The following NCBP3 variants were observed in gnomAD, a reference collection of about 807,000 sequenced individuals.
NCBP3 encodes the protein nuclear cap-binding protein subunit 3.
In NCBP3, 20 loss-of-function variants were observed where a neutral mutation model predicts 75.7. The ratio of observed to expected loss-of-function variants is 0.26; its 90% confidence interval spans 0.19 to 0.38. The LOEUF (loss-of-function observed/expected upper bound fraction) is 0.38, where lower values mean the gene tolerates loss of function less well. NCBP3 is among the 10% of genes least tolerant of loss of function. The probability of loss-of-function intolerance (pLI) is 1.00; values close to 1 mark genes in which losing one functional copy is unlikely to be tolerated. For missense variants in NCBP3, 678 were observed against 796.9 expected, an observed-to-expected ratio of 0.85 and a Z score of 1.80; for synonymous variants, 293 against 290.5, an observed-to-expected ratio of 1.01 and a Z score of -0.09.
intron 12 of NCBP3, among the ~76,000 whole-genome samples, 161 bp from the exon 13 acceptor site, chr17:3,813,440 C>T (rs2053462817): frequency 6.6e-6 from 1 of 152,208 alleles, no homozygotes; most frequent in African/African-American, 2.4e-5. Context: ...ATCTCATTTC[C>T]CGGGCCGCAG....
intron 3 of NCBP3, among the ~76,000 whole-genome samples, chr17:3,837,405 G>A (rs2053992165): frequency 6.6e-6 from 1 of 151,580 alleles, no homozygotes; most frequent in African/African-American, 2.4e-5. Context: ...GCTGAAGCAG[G>A]AGAATCGCTT....
chr17:3,833,505 A>G (rs2053920330), intron 3 of NCBP3, among the ~76,000 whole-genome samples: 1 of 152,004 alleles, frequency 6.6e-6, no homozygotes, highest in South Asian at 2.1e-4. Flanking sequence ...GACTTTCCCT[A>G]AATTAAAATA....
In NCBP3 at chr17:3,818,123, TA is replaced by T. The variant is rs1344230846; in HGVS notation, c.1310+139del. ...AGAATCACTGCTTGTATAGAGGAAA[TA>T]CTGGATGCGTTTATTAAACTCCTAC... On this transcript the variant is annotated intron_variant, in intron 10 of 12. Transcript: ENST00000389005. This position sits in a 1 kb window ranked among gnomAD's most constrained non-coding sequence, Gnocchi z 4.7. 4.1e-5 allele frequency: 29 copies of T among 703,170 alleles called. No homozygotes were observed. Among genetic ancestry groups the T allele is most frequent in the Non-Finnish European group, 5.8e-5 (26 of 451,466 alleles). The allele number at this position is 703,170 out of a possible 1,614,324, so 43.6% of individuals were successfully genotyped here. A position where few individuals can be genotyped will look rare whatever the true frequency, so the allele number is the denominator to read the frequency against.
intron 2 of NCBP3, among the ~76,000 whole-genome samples, chr17:3,840,600 CAAAA>C (rs1316649719): frequency 6.6e-6 from 1 of 152,062 alleles, no homozygotes; most frequent in African/African-American, 2.4e-5. Context: ...AATGGAGGCA[CAAAA>C]AAGCAAAAAG....
At chr17:3,829,943 T>C (rs902108891) in intron 3 of NCBP3, among the ~76,000 whole-genome samples, 1 of 152,224 alleles carries the variant, frequency 6.6e-6, no homozygotes, top group African/African-American at 2.4e-5. Context: ...TTGACCTCAC[T>C]ACCAATCATT....
intron 1 of NCBP3, 92 bp from the exon 2 acceptor site, chr17:3,843,243 CTTTTTTTTT>C: frequency 1.4e-6 from 1 of 694,224 alleles, no homozygotes; most frequent in South Asian, 1.8e-5. Flanking sequence ...TTCTTTTTTC[CTTTTTTTTT>C]TTTTTTTGTT....
chr17:3,807,676 G>C lies in NCBP3; in HGVS notation c.*5368C>G, dbSNP rs181935618. ...AAATACAACATGAAAATAAAGCATT[G>C]TACGTACATGGCAGAAAAATGACTA... is the stretch of plus-strand genomic sequence containing the variant. On this transcript the variant is annotated 3_prime_UTR_variant, in exon 13 of 13. Transcript: ENST00000389005. 2 of 152,290 alleles carry C rather than the reference G, an allele frequency of 1.3e-5. No homozygotes were observed. Among genetic ancestry groups the C allele is most frequent in the Non-Finnish European group, 2.9e-5 (2 of 68,042 alleles). The allele number at this position is 152,290 out of a possible 1,614,324, so 9.4% of individuals were successfully genotyped here.
chr17:3,830,919 C>CT (rs1181966080), intron 3 of NCBP3, among the ~76,000 whole-genome samples: 5 of 130,972 alleles, frequency 3.8e-5, no homozygotes, highest in African/African-American at 1.1e-4. Context: ...TTTTTTTTTT[C>CT]TTTTTTTTTG....
chr17:3,833,640 AT>A (rs112149270), intron 3 of NCBP3, among the ~76,000 whole-genome samples: 3 of 145,004 alleles, frequency 2.1e-5, no homozygotes, highest in Non-Finnish European at 1.6e-5. Context: ...GACCTTCTCT[AT>A]TTTTTTTAAA....
At chr17:3,817,819 AAAC>A (rs1227764167) in intron 10 of NCBP3, among the ~76,000 whole-genome samples, 1 of 152,210 alleles carries the variant, frequency 6.6e-6, no homozygotes, top group Non-Finnish European at 1.5e-5. Flanking sequence ...TGATACTTTC[AAAC>A]AACAGACTAT....
intron 2 of NCBP3, among the ~76,000 whole-genome samples, chr17:3,842,719 C>T (rs890143114): frequency 6.6e-6 from 1 of 152,120 alleles, no homozygotes; most frequent in African/African-American, 2.4e-5. Flanking sequence ...GATTTCAGCT[C>T]AGTGCAGCCT....
chr17:3,817,349 G>A (rs950201945), intron 10 of NCBP3, among the ~76,000 whole-genome samples: 3 of 151,936 alleles, frequency 2.0e-5, no homozygotes, highest in Non-Finnish European at 2.9e-5. Flanking sequence ...ACCCTTCTGA[G>A]CCCGGGCATG....
At position 3,802,487 on chromosome 17, in the gene NCBP3, T is replaced by C. The variant is rs916453169; in HGVS notation, c.*10557A>G. The C allele has an allele frequency of 6.6e-6, 1 of 152,240 alleles. No homozygotes were observed. The highest frequency in any genetic ancestry group is 2.4e-5 in the African/African-American group (1 of 41,462). 9.4% of individuals were successfully genotyped at this position (152,240 alleles called of 1,614,324 possible). A position where few individuals can be genotyped will look rare whatever the true frequency, so the allele number is the denominator to read the frequency against. On this transcript the variant is annotated 3_prime_UTR_variant, in exon 13 of 13. Transcript: ENST00000389005. ...ACAATTCACCGGTTTCCATCCTGTA[T>C]GAAACAGAAGTTAAACAGTTGTAAA...
At chr17:3,844,438 A>G (rs1248208665) in intron 1 of NCBP3, among the ~76,000 whole-genome samples, 1 of 152,118 alleles carries the variant, frequency 6.6e-6, no homozygotes, top group Non-Finnish European at 1.5e-5. Flanking sequence ...ACTCCTTTTC[A>G]ATCTTCACAA....
At chr17:3,828,978 C>T (rs1035174298) in intron 4 of NCBP3, among the ~76,000 whole-genome samples, 6 of 151,646 alleles carry the variant, frequency 4.0e-5, no homozygotes, top group African/African-American at 7.2e-5. Flanking sequence ...CAATCAACTA[C>T]GGCAGATTCA....
rs1567581296 is a variant in NCBP3, at chr17:3,816,160, C to T, written c.1421G>A (p.Arg474His). The part of the protein sequence containing the change: ...ADVRHLLDEK[R>H]QHSRPRPPVS... ...TGGTGGCCGTGGACGGGAGTGCTGA[C>T]GTTTCTCATCTAATAGATGTCGGAC... The change falls in exon 11 of 13, where the codon CGT (arginine) becomes CAT (histidine). Residue 474 changes from arginine (R) to histidine (H), a missense_variant. This residue lies in a region of NCBP3 where 365 missense variants were observed against 392.7 expected (regional missense o/e 0.93). Transcript: ENST00000389005. 2 of 1,614,124 alleles carry T rather than the reference C, an allele frequency of 1.2e-6. No homozygotes were observed. Among genetic ancestry groups the T allele is most frequent in the African/African-American group, 1.3e-5 (1 of 75,034 alleles).
In NCBP3 at chr17:3,818,523, C is replaced by CTCCTCCTCT. The variant is rs1567583297; in HGVS notation, c.1041_1049dup (p.Glu357_Glu359dup). On this transcript the variant is annotated inframe_insertion, in exon 10 of 13. Transcript: ENST00000389005. This position sits in a 1 kb window ranked among gnomAD's most constrained non-coding sequence, Gnocchi z 4.7. ...CTTCTTCCTCTTCCTCTTCCTCCTC[C>CTCCTCCTCT]TCCTCCTCTTCCTCCTCTTCAATGG... The CTCCTCCTCT allele has an allele frequency of 6.2e-7, 1 of 1,611,966 alleles. No homozygotes were observed. The highest frequency in any genetic ancestry group is 1.3e-5 in the African/African-American group (1 of 75,004).
At chr17:3,819,474 G>C (rs2053619478) in intron 9 of NCBP3, among the ~76,000 whole-genome samples, 1 of 151,790 alleles carries the variant, frequency 6.6e-6, no homozygotes. Flanking sequence ...GTAGGAGAAT[G>C]GCGTGAACCC....
At chr17:3,817,110 ATAC>A (rs746886844) in intron 10 of NCBP3, among the ~76,000 whole-genome samples, 14 of 152,098 alleles carry the variant, frequency 9.2e-5, no homozygotes, top group Non-Finnish European at 1.9e-4. Context: ...CCCCACAAAC[ATAC>A]TACGTTACAC....
Sources: allele counts gnomAD v4.1 joint callset (sites outside exome capture counted in the v4.1 genomes callset), GRCh38; gene constraint gnomAD v4.1.1; regional missense constraint gnomAD v4.1.1; non-coding constraint Gnocchi (gnomAD v3.1); transcripts MANE v1.5; gene names NCBI Gene and HGNC (gene_info 2026-07-23, HGNC 2026-07-21).